Variants in SV2C observed in about 807,000 individuals in gnomAD.
The protein encoded by SV2C is synaptic vesicle glycoprotein 2C.
Under a neutral mutation model 79.7 loss-of-function variants are expected in SV2C, and 49 were observed. That is an observed-to-expected ratio of 0.61 (90% CI 0.49 to 0.78). SV2C has a LOEUF of 0.78. Among genes scored for constraint, SV2C ranks in the 30% least tolerant of loss-of-function variants. The pLI is 0.00. For synonymous variants in SV2C, 334 were observed against 333.2 expected (o/e 1.00, Z -0.03); for missense variants, 833 against 912.9 (o/e 0.91, Z 1.13).
chr5:76,047,754 T>G, the SV2C span, among the ~76,000 whole-genome samples: 1 of 150,172 alleles, frequency 6.7e-6, no homozygotes, highest in East Asian at 2.0e-4. Flanking sequence ...TACCGTATTC[T>G]TTTTTTCTTT....
the SV2C span, among the ~76,000 whole-genome samples, chr5:75,873,884 A>G: frequency 1.3e-5 from 2 of 152,180 alleles, no homozygotes. Context: ...AGAGACCAAT[A>G]TCAAGCTCTG....
intron 12 of SV2C, among the ~76,000 whole-genome samples, chr5:76,305,139 A>G (rs982847505): frequency 3.3e-5 from 5 of 152,192 alleles, no homozygotes; most frequent in Non-Finnish European, 1.5e-5. Flanking sequence ...CGAGGACAGT[A>G]CCAAGGGCAC....
the SV2C span, among the ~76,000 whole-genome samples, chr5:75,992,983 A>G: frequency 2.6e-5 from 4 of 152,052 alleles, no homozygotes; most frequent in Non-Finnish European, 5.9e-5. Context: ...AGTACAGAGG[A>G]TAAAACCTTG....
chr5:76,156,219 G>A (rs1470533237), intron 2 of SV2C, among the ~76,000 whole-genome samples: 1 of 152,104 alleles, frequency 6.6e-6, no homozygotes, highest in Non-Finnish European at 1.5e-5. Context: ...TCAACAGCTA[G>A]GAATGGTCAG....
At chr5:76,211,626 A>C (rs1169764918) in intron 4 of SV2C, among the ~76,000 whole-genome samples, 1 of 152,238 alleles carries the variant, frequency 6.6e-6, no homozygotes, top group Non-Finnish European at 1.5e-5. Context: ...TTAGATTTCA[A>C]AAACTCATTC....
chr5:75,883,855 CAAAA>C, the SV2C span, among the ~76,000 whole-genome samples: 8 of 134,352 alleles, frequency 6.0e-5, no homozygotes, highest in East Asian at 1.1e-3. Context: ...AAAAAAAAAA[CAAAA>C]AAAAAACATT....
In SV2C at chr5:76,175,345, AT is replaced by A. The variant is rs767124668; in HGVS notation, c.581-19570del. 3.3e-5 allele frequency among the ~76,000 whole-genome samples: 5 copies of A among 152,260 alleles called. No homozygotes were observed. In the South Asian group the frequency reaches 1.0e-3, roughly 32 times the overall value. On this transcript the variant is annotated intron_variant, in intron 2 of 12. Transcript: ENST00000502798. Reference sequence around the variant, plus strand: ...CAAAAGGAAAGCTGACCATGACGAGATTTTACTCAAATGGCCCAGGGGTTAG... The same window carrying A: ...CAAAAGGAAAGCTGACCATGACGAGATTTACTCAAATGGCCCAGGGGTTAG...
At chr5:75,990,893 G>T in the SV2C span, among the ~76,000 whole-genome samples, 1 of 151,980 alleles carries the variant, frequency 6.6e-6, no homozygotes, top group Non-Finnish European at 1.5e-5. Flanking sequence ...CATTGGCTGT[G>T]CACCAAGTCT....
the SV2C span, among the ~76,000 whole-genome samples, chr5:75,936,578 G>T: frequency 6.6e-6 from 1 of 152,260 alleles, no homozygotes; most frequent in Admixed American, 6.5e-5. Flanking sequence ...TGACATATGG[G>T]GTGGGCCACA....
chr5:75,903,358 C>A, the SV2C span, among the ~76,000 whole-genome samples: 1 of 144,978 alleles, frequency 6.9e-6, no homozygotes, highest in Admixed American at 6.9e-5. Flanking sequence ...AGAGGTACCA[C>A]AAAAAGGTGT....
intron 1 of SV2C, among the ~76,000 whole-genome samples, chr5:76,109,868 C>T (rs1245100740): frequency 6.6e-6 from 1 of 152,130 alleles, no homozygotes; most frequent in Non-Finnish European, 1.5e-5. Context: ...TTAGGCCATC[C>T]AGTTTGTGGT....
chr5:75,933,726 ACTTTCC>A, the SV2C span, among the ~76,000 whole-genome samples: 12 of 152,046 alleles, frequency 7.9e-5, no homozygotes, highest in African/African-American at 2.7e-4. Context: ...CTTCCTCCTC[ACTTTCC>A]TGTCTTAATT....
the SV2C span, among the ~76,000 whole-genome samples, chr5:76,017,876 G>C: frequency 2.2e-4 from 34 of 152,282 alleles, no homozygotes; most frequent in Middle Eastern, 3.4e-3. Flanking sequence ...CACTAATGCT[G>C]CTTCCACTAT....
At chr5:75,965,404 T>A in the SV2C span, among the ~76,000 whole-genome samples, 18 of 152,182 alleles carry the variant, frequency 1.2e-4, no homozygotes, top group Admixed American at 5.9e-4. Flanking sequence ...ATTAGGTCAT[T>A]AGGGCGAGTC....
intron 2 of SV2C, among the ~76,000 whole-genome samples, chr5:76,161,078 C>A (rs959320057): frequency 6.6e-6 from 1 of 152,184 alleles, no homozygotes; most frequent in South Asian, 2.1e-4. Context: ...AAAAACATTT[C>A]TAATAACACT....
chr5:75,941,840 C>T, the SV2C span, among the ~76,000 whole-genome samples: 2 of 152,284 alleles, frequency 1.3e-5, no homozygotes, highest in Non-Finnish European at 2.9e-5. Flanking sequence ...CTCTGACCTA[C>T]CTTGTCTGAT....
chr5:76,060,687 G>A, the SV2C span, among the ~76,000 whole-genome samples: 3 of 151,988 alleles, frequency 2.0e-5, no homozygotes, highest in African/African-American at 7.2e-5. Flanking sequence ...CAATAAGGCT[G>A]CTTTGCTTTC....
intron 3 of SV2C, among the ~76,000 whole-genome samples, chr5:76,209,174 C>A (rs1744694537): frequency 6.6e-6 from 1 of 152,122 alleles, no homozygotes; most frequent in African/African-American, 2.4e-5. Flanking sequence ...GGGACTAGAG[C>A]TAATCTTGGA....
At chr5:76,207,846 A>T (rs1232739317) in intron 3 of SV2C, among the ~76,000 whole-genome samples, 1 of 152,202 alleles carries the variant, frequency 6.6e-6, no homozygotes, top group Admixed American at 6.5e-5. Flanking sequence ...CCATCAAAAA[A>T]TAAAAATAAA....
Sources: allele counts gnomAD v4.1 joint callset (sites outside exome capture counted in the v4.1 genomes callset), GRCh38; gene constraint gnomAD v4.1.1; transcripts MANE v1.5; gene names NCBI Gene and HGNC (gene_info 2026-07-23, HGNC 2026-07-21).